The following PGBD5 variants were observed in gnomAD, a reference collection of about 807,000 sequenced individuals.
PGBD5 encodes the protein piggyBac transposable element-derived protein 5.
A neutral mutation model predicts 47.9 loss-of-function variants in PGBD5; 14 were observed. That is an observed-to-expected ratio of 0.29 (90% confidence interval 0.19 to 0.46). The LOEUF (loss-of-function observed/expected upper bound fraction) is 0.46, where lower values mean the gene tolerates loss of function less well. PGBD5 is among the 20% of genes least tolerant of loss of function. The probability of loss-of-function intolerance (pLI) is 1.00; values close to 1 mark genes in which losing one functional copy is unlikely to be tolerated. For missense variants in PGBD5, 635 were observed against 716.0 expected (o/e 0.89, Z 1.29); for synonymous variants, 316 against 306.3 (o/e 1.03, Z -0.33).
chr1:230,392,508 C>G (rs1423591764), intron 1 of PGBD5, among the ~76,000 whole-genome samples: 1 of 152,242 alleles, frequency 6.6e-6, no homozygotes, highest in African/African-American at 2.4e-5. Context: ...AGCACCCGAG[C>G]TTTGTTATTT....
chr1:230,334,651 C>T (rs971132716), intron 4 of PGBD5, among the ~76,000 whole-genome samples: 4 of 152,190 alleles, frequency 2.6e-5, no homozygotes, highest in Non-Finnish European at 4.4e-5. Flanking sequence ...CCTGAGGAGG[C>T]ACGGTGCAGC....
intron 3 of PGBD5, among the ~76,000 whole-genome samples, chr1:230,344,880 G>A (rs891901873): frequency 3.3e-5 from 5 of 152,058 alleles, no homozygotes; most frequent in South Asian, 4.2e-4. Context: ...CTCTGAAGAC[G>A]GTCTGTCCTG....
chr1:230,412,313 G>A (rs1657425982), intron 1 of PGBD5, among the ~76,000 whole-genome samples: 1 of 151,544 alleles, frequency 6.6e-6, no homozygotes, highest in Admixed American at 6.6e-5. Context: ...CTACTGTTGA[G>A]TGATATTAAG....
At chr1:230,396,099 C>CGTCT (rs1274456061) in intron 1 of PGBD5, among the ~76,000 whole-genome samples, 1 of 147,604 alleles carries the variant, frequency 6.8e-6, no homozygotes, top group African/African-American at 2.6e-5. Flanking sequence ...TCTGCTCCTC[C>CGTCT]TACTGCTCCA....
chr1:230,399,462 G>A (rs766920461), intron 1 of PGBD5, among the ~76,000 whole-genome samples: 3 of 152,278 alleles, frequency 2.0e-5, no homozygotes, highest in Admixed American at 6.5e-5. Flanking sequence ...ACCCCTTGCC[G>A]TGGCCCCACC....
At chr1:230,371,894 T>C (rs963697372) in intron 1 of PGBD5, among the ~76,000 whole-genome samples, 7 of 152,162 alleles carry the variant, frequency 4.6e-5, no homozygotes, top group African/African-American at 1.7e-4. Context: ...CTCAGTGCAG[T>C]ACCTTAAGTG....
chr1:230,370,829 C>G (rs1036679010), intron 1 of PGBD5, among the ~76,000 whole-genome samples: 1 of 152,202 alleles, frequency 6.6e-6, no homozygotes, highest in Non-Finnish European at 1.5e-5. Context: ...CACGGAAAGC[C>G]AAGAGCCCCT....
intron 5 of PGBD5, among the ~76,000 whole-genome samples, chr1:230,327,863 T>C (rs903980712): frequency 6.6e-6 from 1 of 152,234 alleles, no homozygotes; most frequent in African/African-American, 2.4e-5. Context: ...CTTGTCACAC[T>C]TGGGGCCACA....
At chr1:230,372,493 G>C (rs912131902) in intron 1 of PGBD5, among the ~76,000 whole-genome samples, 2 of 152,102 alleles carry the variant, frequency 1.3e-5, no homozygotes, top group African/African-American at 4.8e-5. Flanking sequence ...ATCATCCCAC[G>C]AATGTTCTCT....
At chr1:230,397,100 G>A (rs1177325450) in intron 1 of PGBD5, among the ~76,000 whole-genome samples, 1 of 152,182 alleles carries the variant, frequency 6.6e-6, no homozygotes, top group Non-Finnish European at 1.5e-5. Flanking sequence ...TCCAAGAGAT[G>A]GGAATCAAGA....
chr1:230,395,018 C>T (rs116293385), intron 1 of PGBD5, among the ~76,000 whole-genome samples: 2,891 of 131,296 alleles, frequency 0.022, 70 homozygotes, highest in East Asian at 0.031. Context: ...CATCCCCGAG[C>T]TCTTCTCACT....
At chr1:230,417,755 CAG>C (rs1657551527) in intron 1 of PGBD5, among the ~76,000 whole-genome samples, 1 of 152,218 alleles carries the variant, frequency 6.6e-6, no homozygotes, top group Non-Finnish European at 1.5e-5. Context: ...CAGCATTCAC[CAG>C]AGACACTTAT....
intron 1 of PGBD5, among the ~76,000 whole-genome samples, chr1:230,380,449 C>T (rs960832469): frequency 1.3e-5 from 2 of 152,114 alleles, no homozygotes; most frequent in Admixed American, 6.5e-5. Flanking sequence ...AGGTGCTCAC[C>T]CTAAAGGCTG....
At chr1:230,399,930 A>G (rs1657093400) in intron 1 of PGBD5, among the ~76,000 whole-genome samples, 1 of 152,238 alleles carries the variant, frequency 6.6e-6, no homozygotes, top group African/African-American at 2.4e-5. Context: ...GGCGGGAGCC[A>G]GATCCCACGC....
chr1:230,413,451 GATCGCATC>G (rs1215343188), intron 1 of PGBD5, among the ~76,000 whole-genome samples: 1 of 152,076 alleles, frequency 6.6e-6, no homozygotes. Flanking sequence ...AGTGAGCCGT[GATCGCATC>G]ATCGCACTCC....
chr1:230,421,262 T>G (rs1415777286), intron 1 of PGBD5, among the ~76,000 whole-genome samples: 1 of 152,210 alleles, frequency 6.6e-6, no homozygotes, highest in Non-Finnish European at 1.5e-5. Context: ...CTGTTTGTGG[T>G]ATCGATTACA....
chr1:230,379,194 C>T (rs1427038423), intron 1 of PGBD5, among the ~76,000 whole-genome samples: 2 of 152,184 alleles, frequency 1.3e-5, no homozygotes, highest in East Asian at 3.9e-4. Context: ...CACCCACCTG[C>T]TGCCTGCCCA....
Position 230,332,826 on chromosome 1 carries a change from T to C in PGBD5, c.1273+18A>G, listed in dbSNP as rs369561813. ...ATCCCCGCGCGCCCCACTGTGTCAA[T>C]GGCGGACCCGCACTCACCCTGCTGC... is the stretch of plus-strand genomic sequence containing the variant. On this transcript the variant is annotated intron_variant, in intron 5 of 6. Transcript: ENST00000391860. 8.1e-5 allele frequency: 130 copies of C among 1,613,966 alleles called. 1 individual carries two copies. In the African/African-American group the frequency reaches 1.5e-3, roughly 19 times the overall value.
chr1:230,371,541 C>T (rs553472859), intron 1 of PGBD5, among the ~76,000 whole-genome samples: 3 of 152,338 alleles, frequency 2.0e-5, no homozygotes, highest in African/African-American at 7.2e-5. Flanking sequence ...AGCAGACGAG[C>T]ATAAACCCAG....
Sources: gnomAD v4.1 joint callset for allele counts (sites outside exome capture counted in the v4.1 genomes callset) on GRCh38, gnomAD v4.1.1 for gene constraint, MANE v1.5 for transcripts, NCBI Gene and HGNC (gene_info 2026-07-23, HGNC 2026-07-21) for gene names.